Variants in FRAS1 observed in about 807,000 individuals in gnomAD.
FRAS1 encodes Fraser extracellular matrix complex subunit 1.
In FRAS1, 290 loss-of-function variants were observed where a neutral mutation model predicts 435.2. That is an observed-to-expected ratio of 0.67 (90% confidence interval 0.61 to 0.73). FRAS1 has a LOEUF of 0.73. FRAS1 is among the 30% of genes least tolerant of loss of function. The pLI is 0.00. For synonymous variants in FRAS1, 1,800 were observed against 1,851.0 expected (o/e 0.97, Z 0.71); for missense variants, 4,860 against 5,001.5 (o/e 0.97, Z 0.85).
At chr4:78,482,663 C>T (rs906429467) in intron 58 of FRAS1, 128 bp downstream of exon 58, 29 of 983,292 alleles carry the variant, frequency 2.9e-5, no homozygotes, top group East Asian at 1.2e-4. Context: ...GATGTGTATA[C>T]GTGAGCATTT....
intron 52 of FRAS1, among the ~76,000 whole-genome samples, chr4:78,473,235 T>A (rs1343570761): frequency 6.6e-6 from 1 of 152,062 alleles, no homozygotes; most frequent in Non-Finnish European, 1.5e-5. Context: ...TAAAGACAGA[T>A]CTTTTTTTTC....
At chr4:78,453,615 A>G (rs945444155) in intron 47 of FRAS1, among the ~76,000 whole-genome samples, 2 of 152,126 alleles carry the variant, frequency 1.3e-5, no homozygotes, top group African/African-American at 4.8e-5. Context: ...AGCCTGGGCA[A>G]CATAGTGAGA....
chr4:78,170,513 C>T (rs1721507311), intron 2 of FRAS1, among the ~76,000 whole-genome samples: 1 of 152,084 alleles, frequency 6.6e-6, no homozygotes, highest in Non-Finnish European at 1.5e-5. Flanking sequence ...TTGTAAGCCC[C>T]TTAAGTGCTG....
intron 42 of FRAS1, chr4:78,446,292 G>T (rs568595500): frequency 6.9e-6 from 7 of 1,011,726 alleles, no homozygotes; most frequent in African/African-American, 5.2e-5. Flanking sequence ...TGGCACCAGG[G>T]CAGGGAGACA....
chr4:78,127,431 G>A (rs947405945), intron 2 of FRAS1, among the ~76,000 whole-genome samples: 1 of 152,204 alleles, frequency 6.6e-6, no homozygotes. Flanking sequence ...CAGTGTTCTG[G>A]CCATAGCCTG....
chr4:78,065,954 CT>C, intron 1 of FRAS1, 30 bp from the exon 2 acceptor site: 1 of 1,578,996 alleles, frequency 6.3e-7, no homozygotes, highest in Non-Finnish European at 8.7e-7. Context: ...TTATGCATCC[CT>C]TTTAATTCTT....
At chr4:78,346,601 G>C (rs1379903083) in intron 20 of FRAS1, among the ~76,000 whole-genome samples, 1 of 151,704 alleles carries the variant, frequency 6.6e-6, no homozygotes, top group African/African-American at 2.4e-5. Context: ...TTGTGGTTTT[G>C]ACCCTCATGG....
chr4:78,229,322 T>C (rs1005797043), intron 2 of FRAS1, among the ~76,000 whole-genome samples: 6 of 151,836 alleles, frequency 4.0e-5, no homozygotes, highest in South Asian at 2.1e-4. Flanking sequence ...TTTTTTTTTT[T>C]CTTTGTAAAA....
intron 2 of FRAS1, among the ~76,000 whole-genome samples, chr4:78,094,714 C>A (rs1741706027): frequency 6.6e-6 from 1 of 152,006 alleles, no homozygotes; most frequent in Non-Finnish European, 1.5e-5. Flanking sequence ...TTTAATAGAA[C>A]CTGTTTATAT....
chr4:78,433,806 GT>G (rs754550468), intron 38 of FRAS1, among the ~76,000 whole-genome samples: 5 of 152,182 alleles, frequency 3.3e-5, no homozygotes, highest in Non-Finnish European at 5.9e-5. Flanking sequence ...CTTGAAAAAT[GT>G]TTCACAGTCC....
Position 78,309,790 on chromosome 4 carries a change from C to A in FRAS1, c.1678+1581C>A, listed in dbSNP as rs866085313. On this transcript the variant is annotated intron_variant, in intron 15 of 73. Transcript: ENST00000512123. The stretch of plus-strand genomic sequence containing the variant: ...ATTGCCAGGTCTGCAGGCATCCTGA[C>A]AGTAAATGAAAGGTTTGAATTGAGT... Among the ~76,000 whole-genome samples the A allele has an allele frequency of 2.2e-4, 33 of 152,188 alleles. 1 individual carries two copies. The Middle Eastern group carries it at 0.014, about 63-fold the overall frequency.
chr4:78,319,948 G>A (rs1337884442), intron 18 of FRAS1, among the ~76,000 whole-genome samples: 1 of 152,224 alleles, frequency 6.6e-6, no homozygotes, highest in Non-Finnish European at 1.5e-5. Flanking sequence ...CTAAGTGTTT[G>A]CATTCACAGT....
chr4:78,539,619 C>T (rs1399584663), intron 73 of FRAS1, among the ~76,000 whole-genome samples, 179 bp downstream of exon 73: 1 of 152,106 alleles, frequency 6.6e-6, no homozygotes, highest in East Asian at 1.9e-4. Context: ...CATGTATCCC[C>T]AGTAGACCAA....
rs1719052660 is a variant in FRAS1 at position 78,452,348 on chromosome 4, T to C, written c.6757T>C (p.Ser2253Pro). Residue 2253 changes from serine to proline, a missense_variant, in exon 47 of 74, where the codon TCA (serine) becomes CCA (proline). Transcript: ENST00000512123. ...GCTGGGCCACTTGGAACATGCAGCA[T>C]CACCAGGTAAGTCTATCATCTCTTG... ...PQLGHLEHAASPGIQISSFTQ... is the reference protein window; with the variant it reads ...PQLGHLEHAAPPGIQISSFTQ... 1 of 1,600,786 alleles carries C rather than the reference T, an allele frequency of 6.2e-7. No homozygotes were observed. The highest frequency in any genetic ancestry group is 8.5e-7 in the Non-Finnish European group (1 of 1,176,454).
Position 78,316,202 on chromosome 4 carries a change from T to C in FRAS1, c.1819+468T>C, listed in dbSNP as rs1412515242. Among the ~76,000 whole-genome samples the C allele has an allele frequency of 2.0e-5, 3 of 152,258 alleles. No individual in the cohort carries two copies. The East Asian group carries it at 5.8e-4, about 29-fold the overall frequency. On this transcript the variant is annotated intron_variant, in intron 16 of 73. Coordinates refer to ENST00000512123, the MANE Select transcript of FRAS1 (RefSeq NM_025074.7). The stretch of plus-strand genomic sequence containing the variant: ...CTTGTTTTTGTGTGCTACTTATATA[T>C]TGTTTCTTTCAGACTTATGCAGCCT...
At chr4:78,426,421 T>A (rs568332004) in intron 35 of FRAS1, among the ~76,000 whole-genome samples, 1 of 152,288 alleles carries the variant, frequency 6.6e-6, no homozygotes, top group South Asian at 2.1e-4. Context: ...GTTCCTTTTT[T>A]ATTGATTTTA....
At chr4:78,287,273 C>T (rs1727657481) in intron 14 of FRAS1, among the ~76,000 whole-genome samples, 1 of 152,166 alleles carries the variant, frequency 6.6e-6, no homozygotes, top group Non-Finnish European at 1.5e-5. Flanking sequence ...GATCCAATCA[C>T]CTCCCACCAG....
intron 15 of FRAS1, 136 bp downstream of exon 15, chr4:78,308,345 T>C (rs1162735959): frequency 1.1e-6 from 1 of 929,482 alleles, no homozygotes; most frequent in Non-Finnish European, 1.6e-6. Context: ...GATTAATCTT[T>C]GATTTAGATG....
rs1442733232 is a variant in FRAS1, at chr4:78,407,755, A to G, written c.4222A>G (p.Thr1408Ala). 6.2e-7 allele frequency: 1 copy of G among 1,613,788 alleles called. No individual in the cohort carries two copies. Among genetic ancestry groups the G allele is most frequent in the Non-Finnish European group, 8.5e-7 (1 of 1,179,808 alleles). Residue 1408 changes from threonine (T) to alanine (A), a missense_variant, in exon 31 of 74, where the codon ACC becomes GCC. Coordinates refer to ENST00000512123, the MANE Select transcript of FRAS1 (RefSeq NM_025074.7). ...TGGGAGGACAGCTACCCCCACCAGC[A>G]CCTTCACCCAGCAGGACATCAATGA... ...PDGRTATPTS[T>A]FTQQDINEGI...
Sources: gnomAD v4.1 joint callset for allele counts (sites outside exome capture counted in the v4.1 genomes callset) on GRCh38, gnomAD v4.1.1 for gene constraint, MANE v1.5 for transcripts, NCBI Gene and HGNC (gene_info 2026-07-23, HGNC 2026-07-21) for gene names.